The following APOC4 variants were observed in gnomAD, a reference collection of about 807,000 sequenced individuals.
APOC4 encodes the protein apolipoprotein C-IV.
In APOC4, 10 loss-of-function variants were observed where a neutral mutation model predicts 8.4. That is an observed-to-expected ratio of 1.19 (90% CI 0.74 to 2.03). The LOEUF (loss-of-function observed/expected upper bound fraction) is 2.03. Among genes scored for constraint, APOC4 ranks in the 30% most tolerant of loss-of-function variants. APOC4 has a pLI of 0.00. For missense variants in APOC4, 160 were observed against 156.1 expected (o/e 1.02, Z -0.13); for synonymous variants, 59 against 65.8 (o/e 0.90, Z 0.50).
At position 44,942,510 on chromosome 19, in the gene APOC4, G is replaced by C. The variant is rs370742602; in HGVS notation, c.76+157G>C. On this transcript the variant is annotated intron_variant, in intron 1 of 2. Transcript: ENST00000592954. ...GTGCGTGTCGGGGAGTGTGTGTGTC[G>C]GTGGCTGAGAGTGAAGTGTGAATGT... Among the ~76,000 whole-genome samples the C allele has an allele frequency of 3.1e-3, 478 of 152,270 alleles. 2 individuals carry two copies. The highest frequency in any genetic ancestry group is 4.8e-3 in the Non-Finnish European group (326 of 68,012).
At chr19:44,944,927 C>G in intron 2 of APOC4, 37 bp downstream of exon 2, 1 of 1,578,384 alleles carries the variant, frequency 6.3e-7, no homozygotes, top group Non-Finnish European at 8.6e-7. Context: ...GGAGGGGACT[C>G]CTGGGTCTGA....
At position 44,945,367 on chromosome 19, in the gene APOC4, C is replaced by T. The variant is rs1012522715; in HGVS notation, c.*62C>T. On this transcript the variant is annotated 3_prime_UTR_variant, in exon 3 of 3. Transcript: ENST00000592954. ...CCTGTAGTCCCAGCTACTCAGGAGG[C>T]TGAGGTAGGATGATGGCTTGAGCCC... The T allele has an allele frequency of 6.5e-7, 1 of 1,544,680 alleles. No homozygotes were observed. Among genetic ancestry groups the T allele is most frequent in the African/African-American group, 1.4e-5 (1 of 73,060 alleles).
intron 2 of APOC4, 98 bp from the exon 3 acceptor site, chr19:44,945,042 G>C: frequency 6.5e-7 from 1 of 1,537,688 alleles, no homozygotes; most frequent in Non-Finnish European, 8.8e-7. Flanking sequence ...TTAGAGCTGA[G>C]AGCAGGAACT....
Position 44,945,405 on chromosome 19 carries a change from C to G in APOC4, c.*100C>G. 3.3e-6 allele frequency: 4 copies of G among 1,227,830 alleles called. No individual in the cohort carries two copies. Among genetic ancestry groups the G allele is most frequent in the Non-Finnish European group, 4.5e-6 (4 of 883,962 alleles). The allele number at this position is 1,227,830 out of a possible 1,614,324, so 76.1% of individuals were successfully genotyped here. A position where few individuals can be genotyped will look rare whatever the true frequency, so the allele number is the denominator to read the frequency against. ...ATGGCTTGAGCCCAGGAGTTCGAGA[C>G]CAGCCTGGGCAACACAGCGAGATCT... On this transcript the variant is annotated 3_prime_UTR_variant, in exon 3 of 3. Transcript: ENST00000592954.
At chr19:44,943,351 G>A (rs1043023643) in intron 1 of APOC4, among the ~76,000 whole-genome samples, 5 of 150,962 alleles carry the variant, frequency 3.3e-5, no homozygotes, top group African/African-American at 1.2e-4. Context: ...TTACAGGCAT[G>A]AGCCACCACG....
At chr19:44,944,721 A>G (rs766133260) in intron 1 of APOC4, 28 bp from the exon 2 acceptor site, 2 of 1,599,668 alleles carry the variant, frequency 1.3e-6, no homozygotes, top group Admixed American at 3.4e-5. Context: ...GTCCCAGCCT[A>G]CCCAAGTTGC....
intron 1 of APOC4, among the ~76,000 whole-genome samples, chr19:44,944,535 A>T (rs1444352575): frequency 6.6e-6 from 1 of 150,798 alleles, no homozygotes; most frequent in Non-Finnish European, 1.5e-5. Context: ...TCTGTCTCAT[A>T]AAAAAAAAGA....
At position 44,942,372 on chromosome 19, in the gene APOC4, A is replaced by G. The variant is rs1331708942; in HGVS notation, c.76+19A>G. The G allele has an allele frequency of 6.2e-7, 1 of 1,611,456 alleles. No homozygotes were observed. Among genetic ancestry groups the G allele is most frequent in the East Asian group, 2.2e-5 (1 of 44,798 alleles). ...ATTGGGGGTGAGAAGAAGTGGGTGG[A>G]GGGATGTGGGGCCCACACCTGGTGG... is the stretch of plus-strand genomic sequence containing the variant. On this transcript the variant is annotated intron_variant, in intron 1 of 2. Coordinates refer to ENST00000592954, the MANE Select transcript of APOC4 (RefSeq NM_001646.3).
At chr19:44,942,714 A>C (rs1234028278) in intron 1 of APOC4, among the ~76,000 whole-genome samples, 1 of 147,486 alleles carries the variant, frequency 6.8e-6, no homozygotes, top group African/African-American at 2.5e-5. Context: ...TGAGGGGGTG[A>C]GTGTGTGCTG....
intron 1 of APOC4, among the ~76,000 whole-genome samples, chr19:44,943,794 A>C (rs1970285838): frequency 6.6e-6 from 1 of 152,162 alleles, no homozygotes; most frequent in Non-Finnish European, 1.5e-5. Flanking sequence ...CATCGTATGT[A>C]GTAACTCTTA....
rs376887357 is a variant in APOC4 at position 44,945,331 on chromosome 19, T to A, written c.*26T>A. The A allele has an allele frequency of 1.3e-6, 2 of 1,598,996 alleles. No individual in the cohort carries two copies. The highest frequency in any genetic ancestry group is 2.7e-5 in the African/African-American group (2 of 74,776). On this transcript the variant is annotated 3_prime_UTR_variant, in exon 3 of 3. Coordinates refer to ENST00000592954, the MANE Select transcript of APOC4 (RefSeq NM_001646.3). ...AATGTTCATAAAAGCCAGGTGTGGTTGTGGCGGGTGCCTGTAGTCCCAGCT... is the reference window on the plus strand; with the variant it reads ...AATGTTCATAAAAGCCAGGTGTGGTAGTGGCGGGTGCCTGTAGTCCCAGCT...
intron 1 of APOC4, among the ~76,000 whole-genome samples, chr19:44,944,470 T>C (rs1463986568): frequency 6.7e-6 from 1 of 149,572 alleles, no homozygotes; most frequent in Non-Finnish European, 1.5e-5. Context: ...GAGGTTGCAA[T>C]GAGACGAGAT....
chr19:44,942,706 AG>A (rs139406802), intron 1 of APOC4, among the ~76,000 whole-genome samples: 2 of 148,248 alleles, frequency 1.3e-5, no homozygotes, highest in Non-Finnish European at 3.0e-5. Flanking sequence ...GACATGTGTG[AG>A]GGGGTGAGTG....
chr19:44,943,099 T>C (rs530604183), intron 1 of APOC4, among the ~76,000 whole-genome samples: 4 of 152,214 alleles, frequency 2.6e-5, no homozygotes, highest in African/African-American at 9.6e-5. Flanking sequence ...TTTTTTGTAT[T>C]TTTACTAGAG....
At position 44,943,984 on chromosome 19, in the gene APOC4, G is replaced by T. The variant is rs12721108; in HGVS notation, c.77-765G>T. On this transcript the variant is annotated intron_variant, in intron 1 of 2. Coordinates refer to ENST00000592954, the MANE Select transcript of APOC4 (RefSeq NM_001646.3). The stretch of plus-strand genomic sequence containing the variant: ...GATGCGTGGGTAGAAGGTCTGGCCC[G>T]GAAAGAGGAACTGACAGCAAGGCTA... 6.6e-3 allele frequency among the ~76,000 whole-genome samples: 1,006 copies of T among 152,256 alleles called. 11 individuals are homozygous for T. The highest frequency in any genetic ancestry group is 0.034 in the Middle Eastern group (10 of 294).
Position 44,944,873 on chromosome 19 carries a change from CG to C in APOC4, c.204del (p.Trp69GlyfsTer22). On this transcript the variant is annotated frameshift_variant, in exon 2 of 3. Coordinates refer to ENST00000592954, the MANE Select transcript of APOC4 (RefSeq NM_001646.3). LOFTEE classifies it low-confidence loss of function (END_TRUNC). Reference sequence around the variant, plus strand: ...AGACAGTGGTGAACAGGACCAGAGACGGGTGGCAATGGTTCTGGTGAGGGTG... The same window carrying C: ...AGACAGTGGTGAACAGGACCAGAGACGGTGGCAATGGTTCTGGTGAGGGTG... Reference protein sequence around the residue: ...LETVVNRTRDGWQWFWSPSTF... With the variant: ...LETVVNRTRDXWQWFWSPSTF... The C allele has an allele frequency of 1.2e-6, 2 of 1,606,382 alleles. No homozygotes were observed. The highest frequency in any genetic ancestry group is 1.7e-6 in the Non-Finnish European group (2 of 1,177,294).
At chr19:44,944,525 T>C (rs1281941883) in intron 1 of APOC4, among the ~76,000 whole-genome samples, 2 of 149,330 alleles carry the variant, frequency 1.3e-5, no homozygotes, top group Non-Finnish European at 3.0e-5. Flanking sequence ...AGAGACTGAC[T>C]CTGTCTCATA....
chr19:44,945,103 A>G (rs760665826), intron 2 of APOC4, 37 bp from the exon 3 acceptor site: 23 of 1,599,730 alleles, frequency 1.4e-5, no homozygotes, highest in Non-Finnish European at 1.9e-5. Context: ...ACCTGGGGAG[A>G]GCTGGGGCCT....
chr19:44,943,380 G>T lies in APOC4; in HGVS notation c.76+1027G>T, dbSNP rs111339708. On this transcript the variant is annotated intron_variant, in intron 1 of 2. Coordinates refer to ENST00000592954, the MANE Select transcript of APOC4 (RefSeq NM_001646.3). ...CACCACGCCCGGCCATGTACTTTATGTTAAAATGGGATCATATTCTAGATC... is the reference window on the plus strand; with the variant it reads ...CACCACGCCCGGCCATGTACTTTATTTTAAAATGGGATCATATTCTAGATC... Among the ~76,000 whole-genome samples, 476 of 150,920 alleles carry T rather than the reference G, an allele frequency of 3.2e-3. 3 individuals are homozygous for T. Among genetic ancestry groups the T allele is most frequent in the African/African-American group, 0.01 (414 of 41,278 alleles).
Sources: gnomAD v4.1 joint callset for allele counts (sites outside exome capture counted in the v4.1 genomes callset) on GRCh38, gnomAD v4.1.1 for gene constraint, MANE v1.5 for transcripts, NCBI Gene and HGNC (gene_info 2026-07-23, HGNC 2026-07-21) for gene names.